The following GJD3 variants were observed in gnomAD, a reference collection of about 807,000 sequenced individuals.
GJD3 encodes gap junction protein delta 3.
For missense variants in GJD3, 421 were observed against 448.5 expected (o/e 0.94, Z 0.55); for synonymous variants, 217 against 226.7 (o/e 0.96, Z 0.38).
chr17:40,363,457 G>A lies in GJD3; in HGVS notation c.359C>T (p.Ala120Val), dbSNP rs1396649957. Residue 120 changes from alanine (A) to valine (V), a missense_variant, in exon 1 of 1, where the codon GCC becomes GTC. Coordinates refer to ENST00000578689, the MANE Select transcript of GJD3 (RefSeq NM_152219.4). This position sits in a 1 kb window ranked among gnomAD's most constrained non-coding sequence, Gnocchi z 5.5. Reference sequence around the variant, plus strand: ...GCGCAGGGCGCACGGCGCGCACTGGGCCTCGGGCAGTCCGGGGGCGCACTG... The same window carrying A: ...GCGCAGGGCGCACGGCGCGCACTGGACCTCGGGCAGTCCGGGGGCGCACTG... ...AAQCAPGLPE[A>V]QCAPCALRAR... 1 of 1,480,678 alleles carries A rather than the reference G, an allele frequency of 6.8e-7. No homozygotes were observed. Among genetic ancestry groups the A allele is most frequent in the African/African-American group, 1.4e-5 (1 of 69,364 alleles). The allele number at this position is 1,480,678 out of a possible 1,614,324, so 91.7% of individuals were successfully genotyped here. A position where few individuals can be genotyped will look rare whatever the true frequency, so the allele number is the denominator to read the frequency against.
In GJD3 at chr17:40,364,106, C is replaced by G. The variant is rs1352660758; in HGVS notation, c.-291G>C. The stretch of plus-strand genomic sequence containing the variant: ...CCGCACCCCCTGAGCCGTCTCCGTT[C>G]GACCCTGGGATCCTCCAGATCCCAG... On this transcript the variant is annotated 5_prime_UTR_variant, in exon 1 of 1. Transcript: ENST00000578689. The G allele has an allele frequency of 2.0e-5, 7 of 355,982 alleles. No individual in the cohort carries two copies. Among genetic ancestry groups the G allele is most frequent in the Non-Finnish European group, 3.8e-5 (7 of 183,888 alleles). The allele number at this position is 355,982 out of a possible 1,614,324, so 22.1% of individuals were successfully genotyped here.
chr17:40,364,317 C>T lies in GJD3; in HGVS notation c.-502G>A, dbSNP rs1224302568. On this transcript the variant is annotated 5_prime_UTR_variant, in exon 1 of 1. The change creates a new upstream start codon in the 5' untranslated region. Transcript: ENST00000578689. ...GGGAGTGGCAGAGGCAGCGAGACCA[C>T]TCCTTTCTTGGCCCACCATTTCTCT... 1.2e-5 allele frequency: 2 copies of T among 170,980 alleles called. No homozygotes were observed. The highest frequency in any genetic ancestry group is 4.8e-5 in the African/African-American group (2 of 41,444). The allele number at this position is 170,980 out of a possible 1,614,324, so 10.6% of individuals were successfully genotyped here. A position where few individuals can be genotyped will look rare whatever the true frequency, so the allele number is the denominator to read the frequency against.
Position 40,363,377 on chromosome 17 carries a change from C to T in GJD3, c.439G>A (p.Glu147Lys), listed in dbSNP as rs915850550. Residue 147 changes from glutamate to lysine, a missense_variant, in exon 1 of 1, where the codon GAG becomes AAG. By Grantham distance (56) the Glu-to-Lys change is moderately conservative. Coordinates refer to ENST00000578689, the MANE Select transcript of GJD3 (RefSeq NM_152219.4). This position sits in a 1 kb window ranked among gnomAD's most constrained non-coding sequence, Gnocchi z 5.5. ...GCCTGGCCGCCCAGGAAGGTCAGCT[C>T]GGCCAGCAGGCGCAGCGCCACGCTC... ...LLSVALRLLAELTFLGGQALL... is the reference protein window; with the variant it reads ...LLSVALRLLAKLTFLGGQALL... 1.5e-5 allele frequency: 21 copies of T among 1,399,262 alleles called. No homozygotes were observed. In the Admixed American group the frequency reaches 3.3e-4, roughly 22 times the overall value. 86.7% of individuals were successfully genotyped at this position (1,399,262 alleles called of 1,614,324 possible).
At position 40,363,307 on chromosome 17, in the gene GJD3, C is replaced by G. The variant is rs758420208; in HGVS notation, c.509G>C (p.Gly170Ala). 7.1e-7 allele frequency: 1 copy of G among 1,404,902 alleles called. No homozygotes were observed. Among genetic ancestry groups the G allele is most frequent in the South Asian group, 1.4e-5 (1 of 70,102 alleles). The allele number at this position is 1,404,902 out of a possible 1,614,324, so 87.0% of individuals were successfully genotyped here. Residue 170 changes from glycine to alanine, a missense_variant, in exon 1 of 1, where the codon GGT becomes GCT. Physicochemically the swap from Gly to Ala is moderately conservative, Grantham distance 60. Transcript: ENST00000578689. This position sits in a 1 kb window ranked among gnomAD's most constrained non-coding sequence, Gnocchi z 5.5. ...FRVAPHFACA[G>A]PPCPHTVDCF... ...GTCGACCGTGTGCGGGCAGGGCGGA[C>G]CGGCGCACGCGAAGTGCGGGGCCAC... is the stretch of plus-strand genomic sequence containing the variant.
At position 40,361,378 on chromosome 17, in the gene GJD3, GC is replaced by G. The variant is rs766355528; in HGVS notation, c.*1552del. ...GACTCACCCTGAGGGCAGGGGTGCT[GC>G]CCTCAGTCCCGGGTTTAAGTGGGGG... On this transcript the variant is annotated 3_prime_UTR_variant, in exon 1 of 1. Coordinates refer to ENST00000578689, the MANE Select transcript of GJD3 (RefSeq NM_152219.4). Among the ~76,000 whole-genome samples the G allele has an allele frequency of 5.3e-5, 8 of 152,216 alleles. No homozygotes were observed. The highest frequency in any genetic ancestry group is 1.0e-4 in the Non-Finnish European group (7 of 68,038).
At position 40,362,981 on chromosome 17, in the gene GJD3, C is replaced by T; in HGVS notation, c.835G>A (p.Gly279Ser). 8.1e-7 allele frequency: 1 copy of T among 1,232,462 alleles called. No individual in the cohort carries two copies. Among genetic ancestry groups the T allele is most frequent in the Non-Finnish European group, 1.0e-6 (1 of 986,240 alleles). 76.3% of individuals were successfully genotyped at this position (1,232,462 alleles called of 1,614,324 possible). Residue 279 changes from glycine to serine, a missense_variant, in exon 1 of 1, where the codon GGC (glycine) becomes AGC (serine). Physicochemically the swap from Gly to Ser is moderately conservative, Grantham distance 56. Transcript: ENST00000578689. ...APASLRECGS[G>S]RGKASPATGR... ...GTGGCCGGTGACGCCTTGCCGCGGCCGCTGCCGCACTCGCGGAGGCTGGCC... is the reference window on the plus strand; with the variant it reads ...GTGGCCGGTGACGCCTTGCCGCGGCTGCTGCCGCACTCGCGGAGGCTGGCC...
In GJD3 at chr17:40,363,425, G is replaced by T; in HGVS notation, c.391C>A (p.Arg131Ser). The T allele has an allele frequency of 7.6e-7, 1 of 1,307,432 alleles. No homozygotes were observed. Among genetic ancestry groups the T allele is most frequent in the South Asian group, 2.3e-5 (1 of 43,270 alleles). 81.0% of individuals were successfully genotyped at this position (1,307,432 alleles called of 1,614,324 possible). ...CTCAGCAGGTAGCAGCGGCGCGCGC[G>T]GCGGGCGCGCAGGGCGCACGGCGCG... ...QCAPCALRAR[R>S]ARRCYLLSVA... Residue 131 changes from arginine to serine, a missense_variant, in exon 1 of 1, where the codon CGC (arginine) becomes AGC (serine). Transcript: ENST00000578689. This position sits in a 1 kb window ranked among gnomAD's most constrained non-coding sequence, Gnocchi z 5.5.
At position 40,363,424 on chromosome 17, in the gene GJD3, C is replaced by G; in HGVS notation, c.392G>C (p.Arg131Pro). The G allele has an allele frequency of 7.7e-7, 1 of 1,306,348 alleles. No individual in the cohort carries two copies. The highest frequency in any genetic ancestry group is 9.7e-7 in the Non-Finnish European group (1 of 1,032,576). The allele number at this position is 1,306,348 out of a possible 1,614,324, so 80.9% of individuals were successfully genotyped here. The stretch of plus-strand genomic sequence containing the variant: ...GCTCAGCAGGTAGCAGCGGCGCGCG[C>G]GGCGGGCGCGCAGGGCGCACGGCGC... ...QCAPCALRAR[R>P]ARRCYLLSVA... is the part of the protein sequence containing the mutation. The change falls in exon 1 of 1, where the codon CGC becomes CCC. Residue 131 changes from arginine to proline, a missense_variant. Arg to Pro is a moderately radical substitution (Grantham distance 103). Transcript: ENST00000578689. The surrounding 1 kb of genome is among the most constrained non-coding windows in gnomAD (Gnocchi z 5.5).
rs550123143 is a variant in GJD3, at chr17:40,361,404, G to T, written c.*1527C>A. On this transcript the variant is annotated 3_prime_UTR_variant, in exon 1 of 1. Coordinates refer to ENST00000578689, the MANE Select transcript of GJD3 (RefSeq NM_152219.4). ...CCCTCAGTCCCGGGTTTAAGTGGGG[G>T]GCGCTATTCAGAAACACCTCCCACT... is the stretch of plus-strand genomic sequence containing the variant. Among the ~76,000 whole-genome samples the T allele has an allele frequency of 6.6e-6, 1 of 152,314 alleles. No individual in the cohort carries two copies. Among genetic ancestry groups the T allele is most frequent in the South Asian group, 2.1e-4 (1 of 4,826 alleles).
Position 40,361,239 on chromosome 17 carries a change from T to G in GJD3, c.*1692A>C. 2.9e-6 allele frequency: 1 copy of G among 344,326 alleles called. No individual in the cohort carries two copies. The allele number at this position is 344,326 out of a possible 1,614,324, so 21.3% of individuals were successfully genotyped here. A position where few individuals can be genotyped will look rare whatever the true frequency, so the allele number is the denominator to read the frequency against. On this transcript the variant is annotated 3_prime_UTR_variant, in exon 1 of 1. Transcript: ENST00000578689. Reference sequence around the variant, plus strand: ...AACGCTTGGCAGCAAGCAGGTCTGGTGCTTGTTAGAAGAGAAAATTCCCTA... The same window carrying G: ...AACGCTTGGCAGCAAGCAGGTCTGGGGCTTGTTAGAAGAGAAAATTCCCTA...
chr17:40,363,552 G>C lies in GJD3; in HGVS notation c.264C>G (p.Pro88=), dbSNP rs779078339. Residue 88 remains proline (P), a synonymous_variant, in exon 1 of 1, where the codon CCC becomes CCG. Transcript: ENST00000578689. This position sits in a 1 kb window ranked among gnomAD's most constrained non-coding sequence, Gnocchi z 5.5. The stretch of plus-strand genomic sequence containing the variant: ...TGGAGTAGACGACGAACAGCACCGG[G>C]GGCGCCGAGAGCAGCAGGATGTGGA... ...WLFHILLLSA[P]PVLFVVYSMH... The C allele has an allele frequency of 1.3e-6, 2 of 1,581,268 alleles. No homozygotes were observed. Among genetic ancestry groups the C allele is most frequent in the South Asian group, 2.3e-5 (2 of 86,544 alleles).
chr17:40,363,647 G>C lies in GJD3; in HGVS notation c.169C>G (p.Leu57Val), dbSNP rs986645860. Residue 57 changes from leucine (L) to valine (V), a missense_variant, in exon 1 of 1, where the codon CTG (leucine) becomes GTG (valine). Transcript: ENST00000578689. The surrounding 1 kb of genome is among the most constrained non-coding windows in gnomAD (Gnocchi z 5.5). ...CAGGTCTGGCGACAGCCCGGCTGCA[G>C]CGTGTTGCACACGAACTCCTCTTGC... ...DEQEEFVCNT[L>V]QPGCRQTCYD... 6.2e-7 allele frequency: 1 copy of C among 1,607,176 alleles called. No homozygotes were observed. The highest frequency in any genetic ancestry group is 1.1e-5 in the South Asian group (1 of 90,110).
At position 40,363,161 on chromosome 17, in the gene GJD3, G is replaced by A; in HGVS notation, c.655C>T (p.Arg219Cys). Reference protein sequence around the residue: ...LGHLLWKGRPRAGERDNRCNR... With the variant: ...LGHLLWKGRPCAGERDNRCNR... Reference sequence around the variant, plus strand: ...CAGCGGTTGTCACGCTCCCCGGCGCGCGGGCGGCCCTTCCAGAGCAGGTGG... The same window carrying A: ...CAGCGGTTGTCACGCTCCCCGGCGCACGGGCGGCCCTTCCAGAGCAGGTGG... The change falls in exon 1 of 1, where the codon CGC becomes TGC. Residue 219 changes from arginine to cysteine, a missense_variant. Physicochemically the swap from Arg to Cys is radical, Grantham distance 180. Transcript: ENST00000578689. The surrounding 1 kb of genome is among the most constrained non-coding windows in gnomAD (Gnocchi z 5.5). 7.0e-7 allele frequency: 1 copy of A among 1,420,104 alleles called. No individual in the cohort carries two copies. Among genetic ancestry groups the A allele is most frequent in the Non-Finnish European group, 9.2e-7 (1 of 1,084,472 alleles). 88.0% of individuals were successfully genotyped at this position (1,420,104 alleles called of 1,614,324 possible). A position where few individuals can be genotyped will look rare whatever the true frequency, so the allele number is the denominator to read the frequency against.
In GJD3 at chr17:40,362,779, G is replaced by A. The variant is rs2034763648; in HGVS notation, c.*152C>T. 6.6e-6 allele frequency among the ~76,000 whole-genome samples: 1 copy of A among 152,228 alleles called. No individual in the cohort carries two copies. Among genetic ancestry groups the A allele is most frequent in the Non-Finnish European group, 1.5e-5 (1 of 68,032 alleles). The stretch of plus-strand genomic sequence containing the variant: ...CTGGGAGGCAGTACGAGGCAAGTGC[G>A]ATGCCGCCCGCGGGCCGTCCCCACA... On this transcript the variant is annotated 3_prime_UTR_variant, in exon 1 of 1. Coordinates refer to ENST00000578689, the MANE Select transcript of GJD3 (RefSeq NM_152219.4).
rs1189958726 is a variant in GJD3 at position 40,362,045 on chromosome 17, C to G, written c.*886G>C. On this transcript the variant is annotated 3_prime_UTR_variant, in exon 1 of 1. Coordinates refer to ENST00000578689, the MANE Select transcript of GJD3 (RefSeq NM_152219.4). ...TCTCTTGGGAGGGGGGGACAGACCTCCTGTGATGCCCTGGCAGGTGGGCTG... is the reference window on the plus strand; with the variant it reads ...TCTCTTGGGAGGGGGGGACAGACCTGCTGTGATGCCCTGGCAGGTGGGCTG... Among the ~76,000 whole-genome samples the G allele has an allele frequency of 1.3e-5, 2 of 152,124 alleles. No individual in the cohort carries two copies. The highest frequency in any genetic ancestry group is 2.9e-5 in the Non-Finnish European group (2 of 68,012).
In GJD3 at chr17:40,364,213, T is replaced by G; in HGVS notation, c.-398A>C. ...GGAAGCGGAAACCCAGCGGTGCCCTTAGCTGTCAAGGATGCTGTGGGAAGA... is the reference window on the plus strand; with the variant it reads ...GGAAGCGGAAACCCAGCGGTGCCCTGAGCTGTCAAGGATGCTGTGGGAAGA... On this transcript the variant is annotated 5_prime_UTR_variant, in exon 1 of 1. The change abolishes the stop of an existing upstream ORF in the 5' untranslated region. Coordinates refer to ENST00000578689, the MANE Select transcript of GJD3 (RefSeq NM_152219.4). The G allele has an allele frequency of 5.2e-6, 1 of 191,990 alleles. No homozygotes were observed. The highest frequency in any genetic ancestry group is 1.2e-4 in the South Asian group (1 of 8,516). 11.9% of individuals were successfully genotyped at this position (191,990 alleles called of 1,614,324 possible).
rs2034779653 is a variant in GJD3, at chr17:40,364,046, T to G, written c.-231A>C. On this transcript the variant is annotated 5_prime_UTR_variant, in exon 1 of 1. Coordinates refer to ENST00000578689, the MANE Select transcript of GJD3 (RefSeq NM_152219.4). ...TGGGTTACCTTCTCTTTGGGACCGATGGGTGCTGGGGAGGATCCCCCATTT... is the reference window on the plus strand; with the variant it reads ...TGGGTTACCTTCTCTTTGGGACCGAGGGGTGCTGGGGAGGATCCCCCATTT... 1 of 583,168 alleles carries G rather than the reference T, an allele frequency of 1.7e-6. No homozygotes were observed. The highest frequency in any genetic ancestry group is 3.1e-4 in the Middle Eastern group (1 of 3,274). 36.1% of individuals were successfully genotyped at this position (583,168 alleles called of 1,614,324 possible). A position where few individuals can be genotyped will look rare whatever the true frequency, so the allele number is the denominator to read the frequency against.
rs186791428 is a variant in GJD3 at position 40,362,712 on chromosome 17, T to A, written c.*219A>T. Among the ~76,000 whole-genome samples, 61 of 152,280 alleles carry A rather than the reference T, an allele frequency of 4.0e-4. 1 individual carries two copies. The East Asian group carries it at 0.011, about 28-fold the overall frequency. ...ATCCAGGACCTGCCTGAGTTCATTC[T>A]CCGCCCCCAGCCCGGCCTGCCCCAG... On this transcript the variant is annotated 3_prime_UTR_variant, in exon 1 of 1. Coordinates refer to ENST00000578689, the MANE Select transcript of GJD3 (RefSeq NM_152219.4).
chr17:40,363,194 C>A lies in GJD3; in HGVS notation c.622G>T (p.Glu208Ter). ...CCCTTCCAGAGCAGGTGGCCCAGCT[C>A]GGCTACGCTGAGCAGCGCCGACAGC... Reference protein sequence around the residue: ...GLLSALLSVAELGHLLWKGRP... With the variant: ...GLLSALLSVA Residue 208 changes from glutamate to a stop codon, truncating the protein, a stop_gained, in exon 1 of 1, where the codon GAG becomes TAG. Transcript: ENST00000578689. LOFTEE classifies it low-confidence loss of function (END_TRUNC). The surrounding 1 kb of genome is among the most constrained non-coding windows in gnomAD (Gnocchi z 5.5). The A allele has an allele frequency of 6.9e-7, 1 of 1,447,426 alleles. No individual in the cohort carries two copies. Among genetic ancestry groups the A allele is most frequent in the South Asian group, 1.3e-5 (1 of 75,160 alleles). The allele number at this position is 1,447,426 out of a possible 1,614,324, so 89.7% of individuals were successfully genotyped here. A position where few individuals can be genotyped will look rare whatever the true frequency, so the allele number is the denominator to read the frequency against.
Sources: gnomAD v4.1 joint callset for allele counts (sites outside exome capture counted in the v4.1 genomes callset) on GRCh38, gnomAD v4.1.1 for gene constraint, Gnocchi (gnomAD v3.1) non-coding constraint, MANE v1.5 for transcripts, NCBI Gene and HGNC (gene_info 2026-07-23, HGNC 2026-07-21) for gene names.